Variants in ATF2 observed in about 807,000 individuals in gnomAD.
ATF2 encodes the protein cyclic AMP-dependent transcription factor ATF-2.
ATF2 carries 24 observed loss-of-function variants against 60.6 expected under a neutral mutation model. The ratio of observed to expected loss-of-function variants is 0.40; its 90% CI spans 0.29 to 0.56. ATF2 has a LOEUF of 0.56. Ranked by LOEUF, ATF2 falls within the 20% of genes least tolerant of loss-of-function variation. The pLI, the probability that ATF2 is intolerant of heterozygous loss-of-function variation, is 0.54. For missense variants in ATF2, 433 were observed against 607.7 expected, an observed-to-expected ratio of 0.71 and a Z score of 3.02; for synonymous variants, 206 against 215.4, an observed-to-expected ratio of 0.96 and a Z score of 0.38.
intron 8 of ATF2, 108 bp from the exon 9 acceptor site, chr2:175,114,216 T>C (rs544192426): frequency 7.0e-7 from 1 of 1,424,520 alleles, no homozygotes; most frequent in African/African-American, 1.5e-5. Flanking sequence ...TAAAAATACA[T>C]TTTCTAACCA....
intron 2 of ATF2, among the ~76,000 whole-genome samples, chr2:175,138,255 C>A (rs999586663): frequency 6.6e-6 from 1 of 152,088 alleles, no homozygotes; most frequent in African/African-American, 2.4e-5. Flanking sequence ...CTTGAGTTTC[C>A]ATTTTGTACT....
intron 3 of ATF2, among the ~76,000 whole-genome samples, chr2:175,135,603 T>C (rs1266322453): frequency 6.6e-6 from 1 of 152,186 alleles, no homozygotes; most frequent in Non-Finnish European, 1.5e-5. Context: ...GTAAATGTCA[T>C]GGAGATGAAA....
chr2:175,113,363 C>T (rs1357451962), intron 9 of ATF2, among the ~76,000 whole-genome samples: 5 of 151,814 alleles, frequency 3.3e-5, no homozygotes, highest in African/African-American at 1.2e-4. Context: ...ACACAATCCT[C>T]CTACCTCAGC....
intron 12 of ATF2, among the ~76,000 whole-genome samples, chr2:175,092,810 G>C (rs545789326): frequency 2.6e-5 from 4 of 151,922 alleles, no homozygotes; most frequent in Admixed American, 6.6e-5. Context: ...AGTTCAAACC[G>C]GATAGTTTAG....
intron 1 of ATF2, among the ~76,000 whole-genome samples, chr2:175,164,014 T>C (rs1400317271): frequency 6.7e-6 from 1 of 148,362 alleles, no homozygotes. Flanking sequence ...TACATATTTA[T>C]TTATAATTAT....
intron 2 of ATF2, among the ~76,000 whole-genome samples, chr2:175,149,079 C>G (rs1278263983): frequency 6.6e-6 from 1 of 152,152 alleles, no homozygotes. Context: ...CTCTTCTCAT[C>G]AACAGGATAG....
chr2:175,092,518 T>A, intron 12 of ATF2: 1 of 346,360 alleles, frequency 2.9e-6, no homozygotes, highest in Non-Finnish European at 5.8e-6. Flanking sequence ...TGAAATGATC[T>A]GTACTGCCAC....
intron 10 of ATF2, among the ~76,000 whole-genome samples, chr2:175,098,430 A>ATAT (rs1039684105): frequency 2.6e-5 from 4 of 152,182 alleles, no homozygotes; most frequent in African/African-American, 9.6e-5. Context: ...CCCCAAATAC[A>ATAT]TATTATTACA....
At chr2:175,090,275 T>C (rs1694456366) in intron 12 of ATF2, among the ~76,000 whole-genome samples, 1 of 152,184 alleles carries the variant, frequency 6.6e-6, no homozygotes, top group Non-Finnish European at 1.5e-5. Context: ...ATGTTTGTTC[T>C]ATATTCTTTC....
chr2:175,118,486 G>A (rs1696734672), intron 5 of ATF2, 117 bp from the exon 6 acceptor site: 2 of 824,282 alleles, frequency 2.4e-6, no homozygotes, highest in South Asian at 3.6e-5. Flanking sequence ...TTCTCTCTTT[G>A]GAAAGACCTC....
chr2:175,143,268 A>T (rs1282874280), intron 2 of ATF2, among the ~76,000 whole-genome samples: 11 of 152,184 alleles, frequency 7.2e-5, no homozygotes, highest in Non-Finnish European at 1.6e-4. Context: ...AATTATAAAA[A>T]CATGACTCTA....
At chr2:175,089,275 T>C (rs114100591) in intron 12 of ATF2, among the ~76,000 whole-genome samples, 2,007 of 152,304 alleles carry the variant, frequency 0.013, 44 homozygotes, top group African/African-American at 0.045. Flanking sequence ...AATTGCTCTT[T>C]TAGCAATGAT....
At chr2:175,109,276 A>G (rs1012681282) in intron 10 of ATF2, among the ~76,000 whole-genome samples, 1 of 152,116 alleles carries the variant, frequency 6.6e-6, no homozygotes, top group Non-Finnish European at 1.5e-5. Flanking sequence ...GGACAAAGAA[A>G]TTGTGGTATA....
chr2:175,153,408 G>T (rs1322386029), intron 1 of ATF2, among the ~76,000 whole-genome samples: 1 of 152,126 alleles, frequency 6.6e-6, no homozygotes, highest in Non-Finnish European at 1.5e-5. Context: ...TGATGATATA[G>T]CCTATTGCTC....
At chr2:175,167,335 T>A (rs1239789237) in intron 1 of ATF2, among the ~76,000 whole-genome samples, 1 of 147,380 alleles carries the variant, frequency 6.8e-6, no homozygotes, top group African/African-American at 2.5e-5. Flanking sequence ...AAAAAAAAAA[T>A]AAGGGAAAAT....
chr2:175,148,844 C>A (rs150556347), intron 2 of ATF2, among the ~76,000 whole-genome samples: 1 of 152,240 alleles, frequency 6.6e-6, no homozygotes, highest in East Asian at 1.9e-4. Context: ...TGGAACACAG[C>A]ACCCCACCCC....
intron 1 of ATF2, among the ~76,000 whole-genome samples, chr2:175,153,835 G>A (rs200819528): frequency 5.9e-3 from 754 of 128,714 alleles, no homozygotes; most frequent in Non-Finnish European, 6.4e-3. Context: ...CTGCCTCAAA[G>A]AAAAAAAAAA....
chr2:175,156,489 C>T (rs1326560683), intron 1 of ATF2, among the ~76,000 whole-genome samples: 1 of 150,098 alleles, frequency 6.7e-6, no homozygotes, highest in Non-Finnish European at 1.5e-5. Flanking sequence ...CTTTCTCCAT[C>T]TGGAGTCAGA....
At chr2:175,085,525 A>T (rs549041628) in intron 12 of ATF2, among the ~76,000 whole-genome samples, 59 of 149,218 alleles carry the variant, frequency 4.0e-4, no homozygotes, top group Non-Finnish European at 6.5e-4. Context: ...GTCTCAAAAA[A>T]ATAAAATAAA....
Sources: allele counts gnomAD v4.1 joint callset (sites outside exome capture counted in the v4.1 genomes callset), GRCh38; gene constraint gnomAD v4.1.1; transcripts MANE v1.5; gene names NCBI Gene and HGNC (gene_info 2026-07-23, HGNC 2026-07-21).